The following ACSBG1 variants were observed in gnomAD, a reference collection of about 807,000 sequenced individuals.
The protein encoded by ACSBG1 is long-chain-fatty-acid--CoA ligase ACSBG1.
ACSBG1 carries 39 observed loss-of-function variants against 80.2 expected under a neutral mutation model. The ratio of observed to expected loss-of-function variants is 0.49; its 90% CI spans 0.38 to 0.64. The LOEUF (loss-of-function observed/expected upper bound fraction) is 0.64. ACSBG1 is among the 30% of genes least tolerant of loss of function. The pLI, the probability that ACSBG1 is intolerant of heterozygous loss-of-function variation, is 0.00. For missense variants in ACSBG1, 828 were observed against 966.4 expected (o/e 0.86, Z 1.90); for synonymous variants, 392 against 379.5 (o/e 1.03, Z -0.38).
chr15:78,204,186 A>G (rs2075193233), intron 2 of ACSBG1, among the ~76,000 whole-genome samples: 1 of 152,182 alleles, frequency 6.6e-6, no homozygotes, highest in Non-Finnish European at 1.5e-5. Flanking sequence ...CAGTTTCCCC[A>G]TCTGAATTAC....
rs552925693 is a variant in ACSBG1 at position 78,214,962 on chromosome 15, A to G, written c.132-6860T>C. On this transcript the variant is annotated intron_variant, in intron 1 of 13. Transcript: ENST00000258873. Reference sequence around the variant, plus strand: ...CCTATTGCCACTTCAGGACACCCTAACAGTTTGACTCGAATACTGGTCCTG... The same window carrying G: ...CCTATTGCCACTTCAGGACACCCTAGCAGTTTGACTCGAATACTGGTCCTG... Among the ~76,000 whole-genome samples, 31 of 152,256 alleles carry G rather than the reference A, an allele frequency of 2.0e-4. 1 individual carries two copies. The South Asian group carries it at 6.2e-3, about 31-fold the overall frequency.
At chr15:78,191,279 G>A (rs548737245) in intron 5 of ACSBG1, among the ~76,000 whole-genome samples, 25 of 152,170 alleles carry the variant, frequency 1.6e-4, no homozygotes, top group Admixed American at 1.2e-3. Context: ...TAATAGAACC[G>A]GAAGGAAAAA....
intron 1 of ACSBG1, among the ~76,000 whole-genome samples, chr15:78,213,046 G>A (rs547149850): frequency 3.9e-5 from 6 of 152,208 alleles, no homozygotes; most frequent in African/African-American, 4.8e-5. Flanking sequence ...TCTGCTCAGC[G>A]GGCAAAGCAG....
chr15:78,182,667 T>A lies in ACSBG1; in HGVS notation c.744+38A>T, dbSNP rs780007747. ...GGCTAGGTCAGCTGGGTGGGCCCAA[T>A]AGGCCCCACCTGGCGCCCAGGGCCC... is the stretch of plus-strand genomic sequence containing the variant. On this transcript the variant is annotated intron_variant, in intron 6 of 13. Transcript: ENST00000258873. 60 of 1,613,766 alleles carry A rather than the reference T, an allele frequency of 3.7e-5. No homozygotes were observed. In the African/African-American group the frequency reaches 5.2e-4, roughly 14 times the overall value.
At position 78,172,832 on chromosome 15, in the gene ACSBG1, C is replaced by G. The variant is rs528806178; in HGVS notation, c.2089+761G>C. Among the ~76,000 whole-genome samples the G allele has an allele frequency of 5.9e-5, 9 of 152,316 alleles. 1 individual carries two copies. Among genetic ancestry groups the G allele is most frequent in the Admixed American group, 5.9e-4 (9 of 15,298 alleles). The stretch of plus-strand genomic sequence containing the variant: ...CTTCAGCTGAGGCTGCACCAGAGCC[C>G]TCTCCTGGTTCTGTGGGCAGTGGTC... On this transcript the variant is annotated intron_variant, in intron 13 of 13. Coordinates refer to ENST00000258873, the MANE Select transcript of ACSBG1 (RefSeq NM_015162.5). This position sits in a 1 kb window ranked among gnomAD's most constrained non-coding sequence, Gnocchi z 4.1.
At position 78,170,982 on chromosome 15, in the gene ACSBG1, G is replaced by A. The variant is rs561481991; in HGVS notation, c.*462C>T. 8.1e-4 allele frequency: 125 copies of A among 153,760 alleles called. 2 individuals carry two copies. Among genetic ancestry groups the A allele is most frequent in the Non-Finnish European group, 1.5e-3 (105 of 68,722 alleles). The allele number at this position is 153,760 out of a possible 1,614,324, so 9.5% of individuals were successfully genotyped here. A position where few individuals can be genotyped will look rare whatever the true frequency, so the allele number is the denominator to read the frequency against. Reference sequence around the variant, plus strand: ...CTGGTAATGGAATAATAGGGTCGGCGATGCCCGCCAAGATTCCAGAGTAAG... The same window carrying A: ...CTGGTAATGGAATAATAGGGTCGGCAATGCCCGCCAAGATTCCAGAGTAAG... On this transcript the variant is annotated 3_prime_UTR_variant, in exon 14 of 14. Coordinates refer to ENST00000258873, the MANE Select transcript of ACSBG1 (RefSeq NM_015162.5).
At chr15:78,183,188 A>T (rs2074966585) in intron 5 of ACSBG1, among the ~76,000 whole-genome samples, 1 of 152,256 alleles carries the variant, frequency 6.6e-6, no homozygotes, top group Non-Finnish European at 1.5e-5. Context: ...TATTAAGTGA[A>T]AAAAGGAAGT....
chr15:78,210,941 G>A (rs1288936150), intron 1 of ACSBG1, among the ~76,000 whole-genome samples: 9 of 152,160 alleles, frequency 5.9e-5, no homozygotes, highest in Non-Finnish European at 1.0e-4. Flanking sequence ...CCTCTCCTCT[G>A]TGACTAGCAG....
In ACSBG1 at chr15:78,211,360, G is replaced by A. The variant is rs137917799; in HGVS notation, c.132-3258C>T. ...GGAAGGCAATACTCCAGAGGTTGGC[G>A]GAAGTCACCTAACATGATTAATGAC... On this transcript the variant is annotated intron_variant, in intron 1 of 13. Coordinates refer to ENST00000258873, the MANE Select transcript of ACSBG1 (RefSeq NM_015162.5). 9.6e-3 allele frequency among the ~76,000 whole-genome samples: 1,465 copies of A among 152,330 alleles called. 36 individuals are homozygous for A. The highest frequency in any genetic ancestry group is 0.032 in the African/African-American group (1,351 of 41,582).
At chr15:78,187,398 T>C (rs371229733) in intron 5 of ACSBG1, among the ~76,000 whole-genome samples, 1 of 152,088 alleles carries the variant, frequency 6.6e-6, no homozygotes, top group Non-Finnish European at 1.5e-5. Context: ...CCAATATCCT[T>C]GATGAACATT....
intron 1 of ACSBG1, among the ~76,000 whole-genome samples, chr15:78,231,269 C>T (rs1046599970): frequency 1.9e-4 from 28 of 150,652 alleles, no homozygotes; most frequent in Admixed American, 8.6e-4. Context: ...TATAGGCATG[C>T]GCCACCACGC....
chr15:78,219,406 CA>C (rs34636353), intron 1 of ACSBG1, among the ~76,000 whole-genome samples: 43,571 of 119,512 alleles, frequency 0.36, 6,275 homozygotes, highest in East Asian at 0.41. Context: ...GGCTTTGTCT[CA>C]AAAAAAAAAA....
chr15:78,179,353 A>G (rs550925728), intron 10 of ACSBG1, among the ~76,000 whole-genome samples, 197 bp downstream of exon 10: 14 of 152,334 alleles, frequency 9.2e-5, no homozygotes, highest in African/African-American at 2.9e-4. Flanking sequence ...GGCCACTCCT[A>G]CTAGACTGAG....
chr15:78,225,412 T>TAAATAAATAAAC (rs1567100797), intron 1 of ACSBG1, among the ~76,000 whole-genome samples: 9 of 148,446 alleles, frequency 6.1e-5, no homozygotes. Context: ...AATAAATAAA[T>TAAATAAATAAAC]AAATAAATAA....
intron 1 of ACSBG1, among the ~76,000 whole-genome samples, chr15:78,227,758 TA>T (rs1238504433): frequency 1.3e-5 from 2 of 151,986 alleles, no homozygotes; most frequent in African/African-American, 2.4e-5. Flanking sequence ...GATTAATGGA[TA>T]AAAAAAATTG....
At chr15:78,213,356 A>T (rs907483641) in intron 1 of ACSBG1, 1 of 152,294 alleles carries the variant, frequency 6.6e-6, no homozygotes, top group Non-Finnish European at 1.5e-5. Context: ...CTAATTGCCA[A>T]TTCCCAGCCT....
intron 2 of ACSBG1, among the ~76,000 whole-genome samples, chr15:78,207,078 CA>C (rs1334217891): frequency 6.6e-6 from 1 of 152,240 alleles, no homozygotes; most frequent in East Asian, 1.9e-4. Flanking sequence ...GGTGGCTCAG[CA>C]AGTCAGCAAG....
At chr15:78,232,093 A>AT (rs2075451248) in intron 1 of ACSBG1, among the ~76,000 whole-genome samples, 1 of 152,198 alleles carries the variant, frequency 6.6e-6, no homozygotes, top group Non-Finnish European at 1.5e-5. Context: ...CCTGCTGCTA[A>AT]GAGTGTTGCT....
intron 1 of ACSBG1, among the ~76,000 whole-genome samples, chr15:78,211,226 G>A (rs532960316): frequency 6.6e-6 from 1 of 152,364 alleles, no homozygotes; most frequent in South Asian, 2.1e-4. Flanking sequence ...ACAGGTGGCT[G>A]TAAATGATCC....
Sources: allele counts gnomAD v4.1 joint callset (sites outside exome capture counted in the v4.1 genomes callset), GRCh38; gene constraint gnomAD v4.1.1; non-coding constraint Gnocchi (gnomAD v3.1); transcripts MANE v1.5; gene names NCBI Gene and HGNC (gene_info 2026-07-23, HGNC 2026-07-21).